Variants in AVEN observed in about 807,000 individuals in gnomAD.
AVEN encodes apoptosis and caspase activation inhibitor.
AVEN carries 41 observed loss-of-function variants against 38.1 expected under a neutral mutation model. That is an observed-to-expected ratio of 1.08 (90% CI 0.84 to 1.40). AVEN has a LOEUF of 1.40. Among genes scored for constraint, AVEN ranks in the 40% most tolerant of loss-of-function variants. The pLI, the probability that AVEN is intolerant of heterozygous loss-of-function variation, is 0.00. For missense variants in AVEN, 605 were observed against 438.8 expected (o/e 1.38, Z -3.38); for synonymous variants, 206 against 171.8 (o/e 1.20, Z -1.56).
chr15:34,035,273 C>T (rs1899062860), intron 1 of AVEN, among the ~76,000 whole-genome samples: 2 of 152,056 alleles, frequency 1.3e-5, no homozygotes, highest in South Asian at 4.1e-4. Flanking sequence ...ATATGAAAAG[C>T]TGCAATATAA....
intron 2 of AVEN, among the ~76,000 whole-genome samples, chr15:33,977,452 C>T (rs1420896078): frequency 6.6e-6 from 1 of 152,108 alleles, no homozygotes; most frequent in African/African-American, 2.4e-5. Flanking sequence ...TAATGAATTC[C>T]GGTTTCAAAC....
At chr15:33,936,812 A>G (rs1022552394) in intron 2 of AVEN, among the ~76,000 whole-genome samples, 2 of 152,252 alleles carry the variant, frequency 1.3e-5, no homozygotes, top group African/African-American at 4.8e-5. Context: ...TGGTAGAATT[A>G]AAGACAAAGC....
chr15:33,891,920 T>C (rs1490494211), intron 2 of AVEN, among the ~76,000 whole-genome samples: 1 of 152,224 alleles, frequency 6.6e-6, no homozygotes, highest in Non-Finnish European at 1.5e-5. Flanking sequence ...ATGATCGCCA[T>C]TCTAACTGTC....
upstream of AVEN, among the ~76,000 whole-genome samples, chr15:34,041,265 C>A (rs548861074): frequency 6.6e-6 from 1 of 152,220 alleles, no homozygotes; most frequent in East Asian, 1.9e-4. Context: ...GAGGCAATCA[C>A]CCTGGATGAG....
chr15:34,060,373 A>T (rs1291028429), intron 5 of AVEN, among the ~76,000 whole-genome samples: 1 of 152,118 alleles, frequency 6.6e-6, no homozygotes, highest in East Asian at 1.9e-4. Context: ...AATATCATCA[A>T]CTCGATTCCA....
At chr15:33,890,398 T>A (rs190477442) in intron 2 of AVEN, among the ~76,000 whole-genome samples, 14 of 152,218 alleles carry the variant, frequency 9.2e-5, no homozygotes, top group Middle Eastern at 3.4e-3. Context: ...AATGCGTAAA[T>A]ATATGCATGC....
chr15:33,865,304 C>T (rs944298109), downstream of AVEN: 1 of 955,116 alleles, frequency 1.0e-6, no homozygotes, highest in African/African-American at 1.6e-5. Flanking sequence ...AGTTCTGCAA[C>T]ATATCTGAAA....
chr15:34,043,120 G>A (rs1243450004), upstream of AVEN, among the ~76,000 whole-genome samples: 3 of 151,790 alleles, frequency 2.0e-5, no homozygotes, highest in African/African-American at 2.4e-5. Context: ...GGTGACGGGC[G>A]CCTGTAGTCC....
intron 2 of AVEN, among the ~76,000 whole-genome samples, chr15:33,915,835 C>A (rs1204016734): frequency 1.3e-5 from 2 of 152,164 alleles, no homozygotes; most frequent in Admixed American, 6.5e-5. Context: ...AAACTCCGTG[C>A]TGTTGGAGAA....
intron 2 of AVEN, among the ~76,000 whole-genome samples, chr15:33,887,443 A>C (rs919178475): frequency 6.6e-6 from 1 of 152,234 alleles, no homozygotes; most frequent in African/African-American, 2.4e-5. Context: ...TTCCAGCAGA[A>C]TGTAACAGCT....
At chr15:33,973,047 G>T (rs1895707682) in intron 2 of AVEN, among the ~76,000 whole-genome samples, 2 of 152,184 alleles carry the variant, frequency 1.3e-5, no homozygotes, top group African/African-American at 4.8e-5. Context: ...TTCAGCAGTT[G>T]TTTAAAGATC....
downstream of AVEN, chr15:33,854,703 T>C: frequency 6.5e-7 from 1 of 1,535,108 alleles, no homozygotes; most frequent in Non-Finnish European, 8.7e-7. Context: ...TAAGAAAAAA[T>C]GTTTTATAAT....
chr15:34,047,033 A>G (rs1899719584), intron 5 of AVEN, among the ~76,000 whole-genome samples: 1 of 151,812 alleles, frequency 6.6e-6, no homozygotes, highest in Non-Finnish European at 1.5e-5. Flanking sequence ...AGGCACAAAC[A>G]GAGACCTAGC....
At chr15:33,854,860 G>A (rs766735944), downstream of AVEN, 2 of 1,613,550 alleles carry the variant, frequency 1.2e-6, no homozygotes, top group African/African-American at 1.3e-5. Context: ...ATCGCAATGG[G>A]CTTCAAGACA....
chr15:33,933,552 G>C lies in AVEN; in HGVS notation c.446-57557C>G, dbSNP rs1382337591. On this transcript the variant is annotated intron_variant, in intron 2 of 5. Coordinates refer to ENST00000306730, the MANE Select transcript of AVEN (RefSeq NM_020371.3). ...AGAGAGAGAGAGAGAGAGAGAGAGAGAGAGAGAGAGAGAGAGAGAGAGAGA... is the reference window on the plus strand; with the variant it reads ...AGAGAGAGAGAGAGAGAGAGAGAGACAGAGAGAGAGAGAGAGAGAGAGAGA... Among the ~76,000 whole-genome samples, 96 of 148,858 alleles carry C rather than the reference G, an allele frequency of 6.4e-4. 1 individual carries two copies. Among genetic ancestry groups the C allele is most frequent in the African/African-American group, 2.3e-3 (90 of 39,696 alleles).
At chr15:33,996,359 A>C (rs1896932451) in intron 2 of AVEN, among the ~76,000 whole-genome samples, 1 of 152,136 alleles carries the variant, frequency 6.6e-6, no homozygotes, top group Non-Finnish European at 1.5e-5. Flanking sequence ...GAGTTCTGAG[A>C]ACCGACAGAC....
At chr15:33,986,405 G>A (rs575562091) in intron 2 of AVEN, among the ~76,000 whole-genome samples, 13 of 151,776 alleles carry the variant, frequency 8.6e-5, no homozygotes, top group South Asian at 6.3e-4. Flanking sequence ...CACCGCGCCC[G>A]GCCCACTGTA....
intron 1 of AVEN, among the ~76,000 whole-genome samples, chr15:34,029,125 A>G (rs975922716): frequency 1.3e-5 from 2 of 152,102 alleles, no homozygotes; most frequent in African/African-American, 4.8e-5. Flanking sequence ...AGGCTTCCAC[A>G]GCACCTTCCC....
chr15:34,001,269 G>A (rs1360214726), intron 2 of AVEN, among the ~76,000 whole-genome samples: 3 of 152,066 alleles, frequency 2.0e-5, no homozygotes, highest in Non-Finnish European at 4.4e-5. Context: ...CAATCTACCT[G>A]CCTCGGCCTC....
Sources: allele counts gnomAD v4.1 joint callset (sites outside exome capture counted in the v4.1 genomes callset), GRCh38; gene constraint gnomAD v4.1.1; transcripts MANE v1.5; gene names NCBI Gene and HGNC (gene_info 2026-07-23, HGNC 2026-07-21).